ACTN2: variants seen among roughly 807,000 people sequenced by gnomAD.
ACTN2 encodes the protein actinin alpha 2.
Under a neutral mutation model 113.8 loss-of-function variants are expected in ACTN2, and 39 were observed. The observed-to-expected ratio is 0.34, with a 90% CI of 0.27 to 0.45. The LOEUF is 0.45. Ranked by LOEUF, ACTN2 falls within the 20% of genes least tolerant of loss-of-function variation. The pLI is 1.00. For missense variants in ACTN2, 992 were observed against 1,177.9 expected, an observed-to-expected ratio of 0.84 and a Z score of 2.31; for synonymous variants, 429 against 444.1, an observed-to-expected ratio of 0.97 and a Z score of 0.43.
intron 10 of ACTN2, among the ~76,000 whole-genome samples, chr1:236,742,103 C>T (rs1231284277): frequency 6.6e-6 from 1 of 152,166 alleles, no homozygotes; most frequent in Non-Finnish European, 1.5e-5. Context: ...TCAAATGCCC[C>T]CTCCTCGGAG....
Position 236,717,845 on chromosome 1 carries a change from G to A in ACTN2, c.127-13G>A. The A allele has an allele frequency of 6.3e-7, 1 of 1,598,206 alleles. No individual in the cohort carries two copies. Among genetic ancestry groups the A allele is most frequent in the South Asian group, 1.1e-5 (1 of 90,702 alleles). On this transcript the variant is annotated splice_polypyrimidine_tract_variant and intron_variant, in intron 1 of 20. Transcript: ENST00000366578. ...ATGGACCTGTGCTAAACCGTGTTTGGTTTTCTTTGCAGACCTTCACTGCCT... is the reference window on the plus strand; with the variant it reads ...ATGGACCTGTGCTAAACCGTGTTTGATTTTCTTTGCAGACCTTCACTGCCT...
intron 14 of ACTN2, 140 bp downstream of exon 14, chr1:236,749,404 T>C: frequency 9.3e-7 from 1 of 1,077,840 alleles, no homozygotes; most frequent in Admixed American, 2.1e-5. Context: ...AAATTACCCT[T>C]GAACCTTAGC....
intron 1 of ACTN2, among the ~76,000 whole-genome samples, chr1:236,707,868 C>G (rs145959169): frequency 6.6e-6 from 1 of 151,684 alleles, no homozygotes. Flanking sequence ...CAAGGCACCA[C>G]GCCTGGCTAA....
At position 236,747,743 on chromosome 1, in the gene ACTN2, A is replaced by G; in HGVS notation, c.1483A>G (p.Thr495Ala). The change falls in exon 13 of 21, where the codon ACG (threonine) becomes GCG (alanine). Residue 495 changes from threonine to alanine, a missense_variant. Coordinates refer to ENST00000366578, the MANE Select transcript of ACTN2 (RefSeq NM_001103.4). ...KICDQWDRLG[T>A]LTQKRREALE... is the part of the protein sequence containing the mutation. ...TTGTGACCAGTGGGACCGACTGGGA[A>G]CGCTTACTCAGAAGAGGAGAGAAGC... 1 of 1,614,130 alleles carries G rather than the reference A, an allele frequency of 6.2e-7. No homozygotes were observed. Among genetic ancestry groups the G allele is most frequent in the Non-Finnish European group, 8.5e-7 (1 of 1,179,992 alleles).
intron 13 of ACTN2, among the ~76,000 whole-genome samples, chr1:236,748,661 C>T (rs976331152): frequency 6.6e-6 from 1 of 152,160 alleles, no homozygotes. Flanking sequence ...CATGAACCTG[C>T]AGTTCCTTCT....
intron 15 of ACTN2, among the ~76,000 whole-genome samples, chr1:236,753,103 G>C (rs1659451139): frequency 6.6e-6 from 1 of 152,154 alleles, no homozygotes; most frequent in Admixed American, 6.5e-5. Context: ...ACTCTTCTGT[G>C]GGCCAACAAG....
intron 4 of ACTN2, 130 bp from the exon 5 acceptor site, chr1:236,725,802 AC>A: frequency 1.2e-6 from 1 of 808,710 alleles, no homozygotes; most frequent in Non-Finnish European, 2.2e-6. Flanking sequence ...GCTCCTATGC[AC>A]TTGCCGAGGC....
At chr1:236,752,261 A>G (rs529806502) in intron 15 of ACTN2, among the ~76,000 whole-genome samples, 6 of 152,290 alleles carry the variant, frequency 3.9e-5, no homozygotes, top group African/African-American at 7.2e-5. Context: ...CAGTATGCCA[A>G]TCATAGTCTT....
intron 1 of ACTN2, among the ~76,000 whole-genome samples, chr1:236,702,380 C>T (rs767525023): frequency 5.3e-5 from 8 of 151,944 alleles, no homozygotes; most frequent in Non-Finnish European, 7.4e-5. Context: ...TAAATAATTG[C>T]GTAAGAAATA....
chr1:236,704,741 G>T (rs754102553), intron 1 of ACTN2, among the ~76,000 whole-genome samples: 3 of 152,222 alleles, frequency 2.0e-5, no homozygotes. Flanking sequence ...GAACCTCCAC[G>T]TGTTCAGTTA....
At chr1:236,731,399 T>C (rs1470401375) in intron 7 of ACTN2, 85 bp downstream of exon 7, 2 of 1,118,510 alleles carry the variant, frequency 1.8e-6, no homozygotes, top group Admixed American at 3.4e-5. Flanking sequence ...TTGCAAAATT[T>C]TATAGCGAAG....
chr1:236,749,879 T>C (rs1659347271), intron 14 of ACTN2, among the ~76,000 whole-genome samples: 1 of 152,156 alleles, frequency 6.6e-6, no homozygotes, highest in South Asian at 2.1e-4. Flanking sequence ...TATGTGCTCT[T>C]GGAGTTATTC....
chr1:236,741,379 C>T (rs1397757904), intron 10 of ACTN2, among the ~76,000 whole-genome samples: 1 of 152,190 alleles, frequency 6.6e-6, no homozygotes, highest in Non-Finnish European at 1.5e-5. Flanking sequence ...GCCAATACCT[C>T]TCAAATTTTA....
intron 12 of ACTN2, among the ~76,000 whole-genome samples, chr1:236,745,620 T>C (rs531881577): frequency 6.6e-6 from 1 of 152,268 alleles, no homozygotes; most frequent in African/African-American, 2.4e-5. Flanking sequence ...GGAGTGAATG[T>C]TCTCAGTTCC....
chr1:236,735,267 C>T lies in ACTN2; in HGVS notation c.698-368C>T, dbSNP rs576845547. 4.6e-5 allele frequency among the ~76,000 whole-genome samples: 7 copies of T among 152,224 alleles called. No homozygotes were observed. In the East Asian group the frequency reaches 7.7e-4, roughly 17 times the overall value. On this transcript the variant is annotated intron_variant, in intron 7 of 20. Transcript: ENST00000366578. ...CCTGCGTTCCCCAGAGCAGAGGGGC[C>T]GGGTGCCCTGATGCGGTTGGAGGAC...
At chr1:236,737,464 CA>C (rs1658923318) in intron 9 of ACTN2, among the ~76,000 whole-genome samples, 1 of 150,936 alleles carries the variant, frequency 6.6e-6, no homozygotes, top group African/African-American at 2.4e-5. Flanking sequence ...GTATAGTTTG[CA>C]TGTCTGAAGA....
At chr1:236,750,475 G>A (rs189300225) in intron 14 of ACTN2, among the ~76,000 whole-genome samples, 34 of 152,242 alleles carry the variant, frequency 2.2e-4, no homozygotes, top group Admixed American at 5.9e-4. Flanking sequence ...CTCTAAGCAC[G>A]CCTTGGAAGT....
At chr1:236,726,852 G>A (rs1331551067) in intron 5 of ACTN2, among the ~76,000 whole-genome samples, 1 of 152,224 alleles carries the variant, frequency 6.6e-6, no homozygotes, top group Non-Finnish European at 1.5e-5. Flanking sequence ...GAGCTACCAA[G>A]GGCTGGGACT....
chr1:236,740,526 C>CATTTTT (rs3053502), intron 10 of ACTN2, among the ~76,000 whole-genome samples: 68,374 of 150,308 alleles, frequency 0.45, 18,637 homozygotes, highest in Non-Finnish European at 0.61. Context: ...CAGAGCAAGT[C>CATTTTT]ATTTTTATTT....
Sources: gnomAD v4.1 joint callset for allele counts (sites outside exome capture counted in the v4.1 genomes callset) on GRCh38, gnomAD v4.1.1 for gene constraint, MANE v1.5 for transcripts, NCBI Gene and HGNC (gene_info 2026-07-23, HGNC 2026-07-21) for gene names.